ETS1: variants seen among roughly 807,000 people sequenced by gnomAD.
The protein encoded by ETS1 is ETS proto-oncogene 1, transcription factor, also known as protein C-ets-1.
A neutral mutation model predicts 58.6 loss-of-function variants in ETS1; 15 were observed. The observed-to-expected ratio is 0.26, with a 90% confidence interval of 0.17 to 0.39. The LOEUF is 0.39. ETS1 is among the 10% of genes least tolerant of loss of function. The pLI is 1.00. For synonymous variants in ETS1, 214 were observed against 218.2 expected, an observed-to-expected ratio of 0.98 and a Z score of 0.17; for missense variants, 417 against 610.5, an observed-to-expected ratio of 0.68 and a Z score of 3.34.
intron 1 of ETS1, among the ~76,000 whole-genome samples, chr11:128,584,568 C>T (rs779011330): frequency 1.3e-5 from 2 of 152,102 alleles, no homozygotes; most frequent in African/African-American, 4.8e-5. Context: ...GCTCAGTAAA[C>T]GTTAGGGCTG....
intron 2 of ETS1, among the ~76,000 whole-genome samples, chr11:128,572,721 T>A (rs147781583): frequency 3.9e-4 from 60 of 152,324 alleles, no homozygotes; most frequent in African/African-American, 1.3e-3. Context: ...AATTATAATA[T>A]GTATAGGAAT....
chr11:128,547,487 T>C (rs1249774355), intron 3 of ETS1, among the ~76,000 whole-genome samples: 2 of 152,206 alleles, frequency 1.3e-5, no homozygotes, highest in African/African-American at 4.8e-5. Context: ...ATGAGGTATG[T>C]AAGATAGCCA....
chr11:128,478,328 AAGGAAGGAAGG>A (rs142714456), intron 8 of ETS1, among the ~76,000 whole-genome samples: 15,361 of 67,082 alleles, frequency 0.23, 3,651 homozygotes, highest in Non-Finnish European at 0.31. Flanking sequence ...GGAAAGAAGG[AAGGAAGGAAGG>A]AGGAAGGAAG....
At chr11:128,492,204 T>C (rs1373608841) in intron 3 of ETS1, among the ~76,000 whole-genome samples, 2 of 152,242 alleles carry the variant, frequency 1.3e-5, no homozygotes, top group Non-Finnish European at 2.9e-5. Context: ...CAACTGGCCA[T>C]TTCTAAACTT....
chr11:128,471,762 G>C (rs976207668), intron 8 of ETS1, among the ~76,000 whole-genome samples: 2 of 152,190 alleles, frequency 1.3e-5, no homozygotes, highest in Admixed American at 6.5e-5. Flanking sequence ...TAAGTGTGTA[G>C]GTAATGAGAA....
chr11:128,476,218 G>C (rs1397221986), intron 8 of ETS1, among the ~76,000 whole-genome samples: 1 of 152,182 alleles, frequency 6.6e-6, no homozygotes, highest in Non-Finnish European at 1.5e-5. Flanking sequence ...TGACAATCTG[G>C]AATGAAGTTC....
At position 128,561,950 on chromosome 11, in the gene ETS1, TGTAAA is replaced by T. The variant is rs1864411679; in HGVS notation, c.70-5520_70-5516del. On this transcript the variant is annotated intron_variant, in intron 2 of 9. Transcript: ENST00000392668. Reference sequence around the variant, plus strand: ...TAAGGGAAAGAATTGAAAGTGGATCTGTAAAGCTGCTGACAGTTAAGAGGAGAAAC... The same window carrying T: ...TAAGGGAAAGAATTGAAAGTGGATCTGCTGCTGACAGTTAAGAGGAGAAAC... 3.9e-5 allele frequency among the ~76,000 whole-genome samples: 6 copies of T among 152,296 alleles called. No homozygotes were observed. The South Asian group carries it at 1.2e-3, about 32-fold the overall frequency.
intron 3 of ETS1, among the ~76,000 whole-genome samples, chr11:128,491,677 C>T (rs1862804836): frequency 1.3e-5 from 2 of 152,216 alleles, no homozygotes; most frequent in Non-Finnish European, 2.9e-5. Context: ...ATGAGCAAGA[C>T]ATTTTAGAAA....
intron 3 of ETS1, among the ~76,000 whole-genome samples, chr11:128,503,096 T>C (rs1001154529): frequency 3.9e-5 from 6 of 152,222 alleles, no homozygotes; most frequent in African/African-American, 9.6e-5. Context: ...ATGCCTCAAG[T>C]TCCTGTCACT....
intron 3 of ETS1, chr11:128,521,925 A>G (rs761642922): frequency 6.2e-7 from 1 of 1,603,552 alleles, no homozygotes; most frequent in African/African-American, 1.3e-5. Flanking sequence ...GGGGAGGGGA[A>G]AAGCTCCAGA....
At chr11:128,505,926 A>G (rs1863216745) in intron 3 of ETS1, among the ~76,000 whole-genome samples, 1 of 152,136 alleles carries the variant, frequency 6.6e-6, no homozygotes, top group Non-Finnish European at 1.5e-5. Context: ...CTCTGTCCAG[A>G]CGACACTAGC....
chr11:128,539,184 GA>G (rs777681455), intron 3 of ETS1, among the ~76,000 whole-genome samples: 2 of 152,136 alleles, frequency 1.3e-5, no homozygotes, highest in African/African-American at 2.4e-5. Context: ...GAAAAACAAA[GA>G]AAAAATAGAT....
chr11:128,531,751 G>A (rs1169842274), intron 3 of ETS1, among the ~76,000 whole-genome samples: 1 of 152,154 alleles, frequency 6.6e-6, no homozygotes, highest in Non-Finnish European at 1.5e-5. Flanking sequence ...TCTCTGGATT[G>A]CACGTTTGAT....
chr11:128,530,776 A>G (rs571237930), intron 3 of ETS1, among the ~76,000 whole-genome samples: 2 of 152,234 alleles, frequency 1.3e-5, no homozygotes, highest in African/African-American at 4.8e-5. Context: ...AGGAATTTAA[A>G]ATTCTGAATA....
rs142610391 is a variant in ETS1, at chr11:128,560,982, A to C, written c.70-4547T>G. Among the ~76,000 whole-genome samples, 7 of 152,306 alleles carry C rather than the reference A, an allele frequency of 4.6e-5. No individual in the cohort carries two copies. The South Asian group carries it at 6.2e-4, about 14-fold the overall frequency. ...CACATGAGCAAAAGAAGAGGAAGAT[A>C]ATCCATCCAAAGGTAAAAAAGAACA... is the stretch of plus-strand genomic sequence containing the variant. On this transcript the variant is annotated intron_variant, in intron 2 of 9. Coordinates refer to ENST00000392668, the MANE Select transcript of ETS1 (RefSeq NM_001143820.2).
chr11:128,581,419 G>A (rs188041344), intron 1 of ETS1, among the ~76,000 whole-genome samples: 1 of 152,168 alleles, frequency 6.6e-6, no homozygotes, highest in African/African-American at 2.4e-5. Context: ...CAAATGCTAT[G>A]CCTCAAATCC....
intron 3 of ETS1, among the ~76,000 whole-genome samples, chr11:128,511,700 C>T (rs576607092): frequency 1.2e-3 from 179 of 152,256 alleles, no homozygotes; most frequent in Non-Finnish European, 2.2e-3. Flanking sequence ...CTCAAGCTAA[C>T]GTTTATTAAT....
At chr11:128,545,879 G>A (rs1864125720) in intron 3 of ETS1, among the ~76,000 whole-genome samples, 1 of 152,210 alleles carries the variant, frequency 6.6e-6, no homozygotes, top group African/African-American at 2.4e-5. Context: ...TAAATTCAGA[G>A]TTTTTAAAGC....
chr11:128,517,804 G>A (rs148131432), intron 3 of ETS1, among the ~76,000 whole-genome samples: 30 of 152,250 alleles, frequency 2.0e-4, no homozygotes, highest in African/African-American at 7.2e-4. Flanking sequence ...ACCACGAGCT[G>A]GTTTGTCTCC....
Sources: allele counts gnomAD v4.1 joint callset (sites outside exome capture counted in the v4.1 genomes callset), GRCh38; gene constraint gnomAD v4.1.1; transcripts MANE v1.5; gene names NCBI Gene and HGNC (gene_info 2026-07-23, HGNC 2026-07-21).